Variants in PKP1 observed in about 807,000 individuals in gnomAD.
PKP1 encodes the protein plakophilin 1.
Under a neutral mutation model 76.4 loss-of-function variants are expected in PKP1, and 27 were observed. That is an observed-to-expected ratio of 0.35 (90% CI 0.26 to 0.49). The LOEUF (loss-of-function observed/expected upper bound fraction) is 0.49, where lower values mean the gene tolerates loss of function less well. Among genes scored for constraint, PKP1 ranks in the 20% least tolerant of loss-of-function variants. The probability of loss-of-function intolerance (pLI) is 0.99; values close to 1 mark genes in which losing one functional copy is unlikely to be tolerated. For missense variants in PKP1, 964 were observed against 955.2 expected (o/e 1.01, Z -0.12); for synonymous variants, 404 against 384.2 (o/e 1.05, Z -0.60).
intron 2 of PKP1, among the ~76,000 whole-genome samples, chr1:201,300,766 C>T (rs930619024): frequency 1.3e-5 from 2 of 152,174 alleles, no homozygotes; most frequent in African/African-American, 2.4e-5. Flanking sequence ...GAGGAGGACA[C>T]GGTTCCAGTG....
At chr1:201,319,935 T>G (rs574707835) in intron 6 of PKP1, 77 of 1,560,938 alleles carry the variant, frequency 4.9e-5, no homozygotes, top group Non-Finnish European at 6.7e-5. Context: ...CATTGCCAGT[T>G]ATAAAGTTAC....
intron 6 of PKP1, chr1:201,319,914 C>A (rs376572454): frequency 6.2e-7 from 1 of 1,601,370 alleles, no homozygotes; most frequent in Non-Finnish European, 8.6e-7. Flanking sequence ...GGGACCGTTG[C>A]CACATGGAGC....
intron 1 of PKP1, among the ~76,000 whole-genome samples, chr1:201,292,729 G>A (rs1446699974): frequency 6.6e-6 from 1 of 152,202 alleles, no homozygotes; most frequent in Non-Finnish European, 1.5e-5. Context: ...CGATGGGGGA[G>A]TCTGACCATC....
intron 10 of PKP1, 119 bp downstream of exon 10, chr1:201,324,700 G>A (rs1657056740): frequency 1.3e-5 from 18 of 1,336,596 alleles, no homozygotes; most frequent in Non-Finnish European, 1.8e-5. Flanking sequence ...AAGAAAGGAA[G>A]CTGGCCAAAG....
intron 2 of PKP1, among the ~76,000 whole-genome samples, chr1:201,305,867 A>G (rs1394719466): frequency 2.0e-5 from 3 of 152,086 alleles, no homozygotes; most frequent in Non-Finnish European, 4.4e-5. Flanking sequence ...TTCATGATGA[A>G]CCATCACTGG....
chr1:201,302,142 C>T (rs906007560), intron 2 of PKP1, among the ~76,000 whole-genome samples: 3 of 152,224 alleles, frequency 2.0e-5, no homozygotes, highest in Non-Finnish European at 4.4e-5. Flanking sequence ...GCATTTTGAA[C>T]TTGTACAAAC....
intron 11 of PKP1, among the ~76,000 whole-genome samples, chr1:201,325,445 A>G (rs111818324): frequency 1.3e-5 from 2 of 152,046 alleles, no homozygotes; most frequent in African/African-American, 4.8e-5. Flanking sequence ...TAGGGACTTT[A>G]TCCTGCTCTG....
intron 6 of PKP1, among the ~76,000 whole-genome samples, chr1:201,319,524 CCAGCCTCCGGTAG>C (rs1194348150): frequency 6.6e-6 from 1 of 152,150 alleles, no homozygotes; most frequent in Non-Finnish European, 1.5e-5. Flanking sequence ...TTTCTCCCTG[CCAGCCTCCGGTAG>C]CAGCCTCCAG....
chr1:201,314,053 A>G (rs1259638088), intron 3 of PKP1, among the ~76,000 whole-genome samples: 1 of 152,250 alleles, frequency 6.6e-6, no homozygotes, highest in African/African-American at 2.4e-5. Flanking sequence ...GTTCTGAAAG[A>G]GCAAAGGAAT....
intron 2 of PKP1, among the ~76,000 whole-genome samples, chr1:201,296,174 C>T (rs867420158): frequency 1.2e-4 from 19 of 152,176 alleles, no homozygotes; most frequent in Non-Finnish European, 7.3e-5. Context: ...GAGGGAAGAA[C>T]TGAGCACACA....
chr1:201,322,259 C>A, intron 8 of PKP1, 126 bp downstream of exon 8: 1 of 1,030,282 alleles, frequency 9.7e-7, no homozygotes, highest in Non-Finnish European at 1.4e-6. Flanking sequence ...CAGGCCCATG[C>A]TGACACCTTG....
Position 201,305,121 on chromosome 1 carries a change from C to T in PKP1, c.307-8045C>T, listed in dbSNP as rs369822293. On this transcript the variant is annotated intron_variant, in intron 2 of 13. Transcript: ENST00000367324. ...GGGAGTGCATATAGAAGTGTGTGTC[C>T]GTGTGTGTGAGCATGCATGCACGCA... is the stretch of plus-strand genomic sequence containing the variant. 2.2e-4 allele frequency among the ~76,000 whole-genome samples: 33 copies of T among 152,164 alleles called. No individual in the cohort carries two copies. The South Asian group carries it at 6.7e-3, about 31-fold the overall frequency.
Position 201,332,535 on chromosome 1 carries a change from C to T in PKP1, c.*2494C>T, listed in dbSNP as rs1267783029. On this transcript the variant is annotated 3_prime_UTR_variant, in exon 14 of 14. Transcript: ENST00000367324. Reference sequence around the variant, plus strand: ...TCTCAGGATTTTAAGTCCACATTGGCCTCACACTACCAGGGCCAATGCCCA... The same window carrying T: ...TCTCAGGATTTTAAGTCCACATTGGTCTCACACTACCAGGGCCAATGCCCA... 2 of 152,274 alleles carry T rather than the reference C, an allele frequency of 1.3e-5. No individual in the cohort carries two copies. The highest frequency in any genetic ancestry group is 2.9e-5 in the Non-Finnish European group (2 of 68,044). 9.4% of individuals were successfully genotyped at this position (152,274 alleles called of 1,614,324 possible). A position where few individuals can be genotyped will look rare whatever the true frequency, so the allele number is the denominator to read the frequency against.
At chr1:201,306,382 C>T (rs1656366471) in intron 2 of PKP1, among the ~76,000 whole-genome samples, 1 of 152,214 alleles carries the variant, frequency 6.6e-6, no homozygotes, top group Admixed American at 6.5e-5. Context: ...TGGACCTGAC[C>T]TTTGCAGGCA....
At chr1:201,329,011 A>G (rs960968524) in intron 13 of PKP1, 143 bp downstream of exon 13, 13 of 688,772 alleles carry the variant, frequency 1.9e-5, no homozygotes, top group Non-Finnish European at 2.9e-5. Context: ...GCAGTTGTGT[A>G]GACTGCTTGG....
intron 4 of PKP1, 118 bp downstream of exon 4, chr1:201,316,815 A>G: frequency 9.3e-7 from 1 of 1,071,570 alleles, no homozygotes; most frequent in Non-Finnish European, 1.4e-6. Flanking sequence ...TGCCTTGCCC[A>G]GCTGCCAGGA....
chr1:201,302,514 C>G (rs1055207960), intron 2 of PKP1, among the ~76,000 whole-genome samples: 1 of 152,200 alleles, frequency 6.6e-6, no homozygotes, highest in African/African-American at 2.4e-5. Flanking sequence ...CCTTTTGTCA[C>G]TAGACTCAGC....
chr1:201,324,416 C>T lies in PKP1; in HGVS notation c.1681-12C>T, dbSNP rs574973299. On this transcript the variant is annotated splice_polypyrimidine_tract_variant and intron_variant, in intron 9 of 13. Coordinates refer to ENST00000367324, the MANE Select transcript of PKP1 (RefSeq NM_001005337.3). ...CCACAGGCTAGCTCATCATCTACTCCTTCTCTCTTAGATGTCCAGTGGCAT... is the reference window on the plus strand; with the variant it reads ...CCACAGGCTAGCTCATCATCTACTCTTTCTCTCTTAGATGTCCAGTGGCAT... The T allele has an allele frequency of 3.1e-6, 5 of 1,614,036 alleles. No individual in the cohort carries two copies. In the African/African-American group the frequency reaches 5.3e-5, roughly 17 times the overall value.
At position 201,332,861 on chromosome 1, in the gene PKP1, C is replaced by T. The variant is rs1657377202; in HGVS notation, c.*2820C>T. On this transcript the variant is annotated 3_prime_UTR_variant, in exon 14 of 14. Transcript: ENST00000367324. ...GATCTTGGAGCTTCCCTGTAGCCCA[C>T]CTTCCCCTTGCTTCATGTTTGTAGA... The T allele has an allele frequency of 6.6e-6, 1 of 152,224 alleles. No individual in the cohort carries two copies. The highest frequency in any genetic ancestry group is 1.9e-4 in the East Asian group (1 of 5,198). 9.4% of individuals were successfully genotyped at this position (152,224 alleles called of 1,614,324 possible).
Sources: gnomAD v4.1 joint callset for allele counts (sites outside exome capture counted in the v4.1 genomes callset) on GRCh38, gnomAD v4.1.1 for gene constraint, MANE v1.5 for transcripts, NCBI Gene and HGNC (gene_info 2026-07-23, HGNC 2026-07-21) for gene names.